The following LRRFIP2 variants were observed in gnomAD, a reference collection of about 807,000 sequenced individuals.
LRRFIP2 encodes leucine-rich repeat flightless-interacting protein 2.
A neutral mutation model predicts 125.9 loss-of-function variants in LRRFIP2; 109 were observed. The ratio of observed to expected loss-of-function variants is 0.87; its 90% confidence interval spans 0.74 to 1.01. The LOEUF (loss-of-function observed/expected upper bound fraction) is 1.01. Ranked by LOEUF, LRRFIP2 falls within the 50% of genes least tolerant of loss-of-function variation. The probability of loss-of-function intolerance (pLI) is 0.00; values close to 1 mark genes in which losing one functional copy is unlikely to be tolerated. For missense variants in LRRFIP2, 850 were observed against 862.3 expected (o/e 0.99, Z 0.18); for synonymous variants, 291 against 293.1 (o/e 0.99, Z 0.07).
chr3:37,123,220 G>A (rs781283801), intron 4 of LRRFIP2, among the ~76,000 whole-genome samples: 2 of 152,062 alleles, frequency 1.3e-5, no homozygotes, highest in Admixed American at 1.3e-4. Context: ...ACGGAGTCTC[G>A]CTCTGTCGCC....
At chr3:37,171,644 CA>C (rs1484853119) in intron 1 of LRRFIP2, among the ~76,000 whole-genome samples, 1 of 152,100 alleles carries the variant, frequency 6.6e-6, no homozygotes, top group Non-Finnish European at 1.5e-5. Context: ...CTCTAGTTTG[CA>C]AAAGGATTTT....
At chr3:37,121,828 G>A (rs2095057085) in intron 4 of LRRFIP2, 137 bp from the exon 5 acceptor site, 1 of 693,780 alleles carries the variant, frequency 1.4e-6, no homozygotes, top group Non-Finnish European at 2.5e-6. Context: ...CTTATCTTAG[G>A]GGCAGCCACA....
chr3:37,134,999 A>C, intron 2 of LRRFIP2: 2 of 1,519,134 alleles, frequency 1.3e-6, no homozygotes, highest in Non-Finnish European at 1.8e-6. Context: ...ATGTGATCCA[A>C]ACCCAGATGA....
intron 19 of LRRFIP2, among the ~76,000 whole-genome samples, chr3:37,080,426 TAAATA>T (rs946521432): frequency 2.6e-5 from 4 of 151,414 alleles, no homozygotes; most frequent in Non-Finnish European, 4.4e-5. Context: ...TTTAAAAAAA[TAAATA>T]AAATAACATA....
chr3:37,173,199 A>G (rs1016003727), intron 1 of LRRFIP2, among the ~76,000 whole-genome samples: 1 of 151,548 alleles, frequency 6.6e-6, no homozygotes, highest in African/African-American at 2.4e-5. Context: ...CTCCACCTAA[A>G]AAAAAAAAAA....
rs77576294 is a variant in LRRFIP2 at position 37,082,592 on chromosome 3, C to A, written c.1278+1044G>T. On this transcript the variant is annotated intron_variant, in intron 19 of 27. Coordinates refer to ENST00000336686, the MANE Select transcript of LRRFIP2 (RefSeq NM_006309.4). ...GTGGTGTACATTCTATGGTTTTGGACAAATGTATCCATACATGTATCCATA... is the reference window on the plus strand; with the variant it reads ...GTGGTGTACATTCTATGGTTTTGGAAAAATGTATCCATACATGTATCCATA... Among the ~76,000 whole-genome samples, 422 of 152,168 alleles carry A rather than the reference C, an allele frequency of 2.8e-3. 3 individuals carry two copies. Among genetic ancestry groups the A allele is most frequent in the African/African-American group, 9.8e-3 (405 of 41,528 alleles).
chr3:37,156,159 G>A (rs2096183703), intron 1 of LRRFIP2, among the ~76,000 whole-genome samples: 1 of 152,068 alleles, frequency 6.6e-6, no homozygotes, highest in Non-Finnish European at 1.5e-5. Flanking sequence ...ACAGACGAAA[G>A]CCACCATGCT....
chr3:37,169,122 A>T (rs1289053497), intron 1 of LRRFIP2, among the ~76,000 whole-genome samples: 1 of 152,186 alleles, frequency 6.6e-6, no homozygotes, highest in Non-Finnish European at 1.5e-5. Context: ...AGTAGGCTAT[A>T]CTGTCCAGGT....
chr3:37,100,820 G>A (rs1467674620), intron 15 of LRRFIP2, among the ~76,000 whole-genome samples: 1 of 152,048 alleles, frequency 6.6e-6, no homozygotes, highest in Non-Finnish European at 1.5e-5. Context: ...AATATTTCAG[G>A]GGAATGACTT....
chr3:37,163,693 T>G (rs1304758750), intron 1 of LRRFIP2, among the ~76,000 whole-genome samples: 1 of 152,244 alleles, frequency 6.6e-6, no homozygotes, highest in Non-Finnish European at 1.5e-5. Flanking sequence ...CTATCCTGAC[T>G]AACAGACTTA....
intron 1 of LRRFIP2, 74 bp from the exon 2 acceptor site, chr3:37,149,112 T>A (rs2150034510): frequency 1.6e-6 from 2 of 1,269,966 alleles, no homozygotes; most frequent in Middle Eastern, 2.0e-4. Context: ...ATATTCACTT[T>A]TAACAGAGAA....
intron 21 of LRRFIP2, among the ~76,000 whole-genome samples, chr3:37,069,479 C>T (rs925287804): frequency 1.3e-5 from 2 of 152,132 alleles, no homozygotes; most frequent in African/African-American, 4.8e-5. Flanking sequence ...TGTATGATTC[C>T]ACTTACATGA....
intron 24 of LRRFIP2, among the ~76,000 whole-genome samples, chr3:37,061,137 G>A (rs961470141): frequency 3.3e-5 from 5 of 152,126 alleles, no homozygotes; most frequent in African/African-American, 7.2e-5. Flanking sequence ...GCTTCCGCTC[G>A]AGATATGACG....
intron 1 of LRRFIP2, among the ~76,000 whole-genome samples, chr3:37,164,419 C>G (rs1010417081): frequency 6.6e-6 from 1 of 152,078 alleles, no homozygotes; most frequent in Non-Finnish European, 1.5e-5. Context: ...ATTTTTTAAA[C>G]AAAAATTGGT....
intron 24 of LRRFIP2, among the ~76,000 whole-genome samples, chr3:37,062,097 G>A (rs1156401185): frequency 6.6e-6 from 1 of 152,042 alleles, no homozygotes; most frequent in Non-Finnish European, 1.5e-5. Context: ...CACCTCTCCT[G>A]CCCCATTAAT....
chr3:37,081,401 A>G (rs894454796), intron 19 of LRRFIP2, among the ~76,000 whole-genome samples: 3 of 152,224 alleles, frequency 2.0e-5, no homozygotes, highest in Non-Finnish European at 4.4e-5. Context: ...GTAATGAAAT[A>G]CACCAGAATG....
At chr3:37,061,566 T>C (rs1575823119) in intron 24 of LRRFIP2, among the ~76,000 whole-genome samples, 1 of 151,870 alleles carries the variant, frequency 6.6e-6, no homozygotes. Flanking sequence ...AATTTTTGTA[T>C]ATTTTTAGTA....
chr3:37,114,821 C>G (rs2149476021), intron 7 of LRRFIP2, among the ~76,000 whole-genome samples: 1 of 151,650 alleles, frequency 6.6e-6, no homozygotes, highest in African/African-American at 2.4e-5. Flanking sequence ...ATATTACTAC[C>G]AATCCTAGTC....
At chr3:37,058,557 C>T (rs766491906) in intron 25 of LRRFIP2, among the ~76,000 whole-genome samples, 6 of 151,962 alleles carry the variant, frequency 3.9e-5, no homozygotes, top group Non-Finnish European at 8.8e-5. Context: ...CGCCTATAAT[C>T]CCAGCTACTC....
Sources: gnomAD v4.1 joint callset for allele counts (sites outside exome capture counted in the v4.1 genomes callset) on GRCh38, gnomAD v4.1.1 for gene constraint, MANE v1.5 for transcripts, NCBI Gene and HGNC (gene_info 2026-07-23, HGNC 2026-07-21) for gene names.